RNF213: variants seen among roughly 807,000 people sequenced by gnomAD.
RNF213 encodes the protein ring finger protein 213, also known as E3 ubiquitin-protein ligase RNF213.
Under a neutral mutation model 514.4 loss-of-function variants are expected in RNF213, and 341 were observed. The observed-to-expected ratio is 0.66, with a 90% confidence interval of 0.61 to 0.73. The LOEUF is 0.73. Ranked by LOEUF, RNF213 falls within the 30% of genes least tolerant of loss-of-function variation. The pLI is 0.00. For missense variants in RNF213, 5,767 were observed against 6,615.6 expected (o/e 0.87, Z 4.45); for synonymous variants, 2,655 against 2,658.2 (o/e 1.00, Z 0.04).
chr17:80,295,641 T>A lies in RNF213; in HGVS notation c.1840T>A (p.Cys614Ser). The A allele has an allele frequency of 1.2e-6, 2 of 1,614,174 alleles. No individual in the cohort carries two copies. The highest frequency in any genetic ancestry group is 1.7e-6 in the Non-Finnish European group (2 of 1,180,012). Residue 614 changes from cysteine to serine, a missense_variant, in exon 10 of 68, where the codon TGC (cysteine) becomes AGC (serine). Physicochemically the swap from Cys to Ser is moderately radical, Grantham distance 112. Around this residue, in one of 13 missense-constraint regions of RNF213, gnomAD observed 592 missense variants for 673.9 expected, o/e 0.88. Transcript: ENST00000582970. ...AAGCACGGACTTTTTGCCTGTGGACTGCCCAGTGAGGAGTAAACTGAAAAC... is the reference window on the plus strand; with the variant it reads ...AAGCACGGACTTTTTGCCTGTGGACAGCCCAGTGAGGAGTAAACTGAAAAC... ...GKSTDFLPVDCPVRSKLKTGL... is the reference protein window; with the variant it reads ...GKSTDFLPVDSPVRSKLKTGL...
chr17:80,290,464 T>C lies in RNF213; in HGVS notation c.1113-106T>C, dbSNP rs1004191251. On this transcript the variant is annotated intron_variant, in intron 6 of 67. Transcript: ENST00000582970. ...GCATGTGTGTGTGCGAGTGCATGTGTGTGTGCACGTGTGTGTGCGCACGTG... is the reference window on the plus strand; with the variant it reads ...GCATGTGTGTGTGCGAGTGCATGTGCGTGTGCACGTGTGTGTGCGCACGTG... 3.0e-6 allele frequency: 4 copies of C among 1,338,864 alleles called. No homozygotes were observed. The African/African-American group carries it at 4.3e-5, about 14-fold the overall frequency. The allele number at this position is 1,338,864 out of a possible 1,614,324, so 82.9% of individuals were successfully genotyped here. A position where few individuals can be genotyped will look rare whatever the true frequency, so the allele number is the denominator to read the frequency against.
At chr17:80,287,705 G>T (rs1331869614) in intron 3 of RNF213, 110 bp from the exon 4 acceptor site, 1 of 1,140,444 alleles carries the variant, frequency 8.8e-7, no homozygotes, top group Non-Finnish European at 1.3e-6. Context: ...AGGTACTTTG[G>T]TCGAGCCAAG....
chr17:80,392,019 C>T (rs955036594), intron 67 of RNF213, among the ~76,000 whole-genome samples: 23 of 151,896 alleles, frequency 1.5e-4, no homozygotes, highest in African/African-American at 5.1e-4. Context: ...CTGCCCGTCT[C>T]GGCCTCCCAA....
intron 7 of RNF213, 118 bp from the exon 8 acceptor site, chr17:80,291,510 A>G (rs1365716222): frequency 2.8e-6 from 3 of 1,053,000 alleles, no homozygotes; most frequent in East Asian, 4.8e-5. Context: ...GGCATGGGCC[A>G]CTGAACCCAG....
rs2079442239 is a variant in RNF213, at chr17:80,369,773, T to C, written c.12331T>C (p.Cys4111Arg). The change falls in exon 46 of 68, where the codon TGT (cysteine) becomes CGT (arginine). Residue 4111 changes from cysteine (C) to arginine (R), a missense_variant. Physicochemically the swap from Cys to Arg is radical, Grantham distance 180. Coordinates refer to ENST00000582970, the MANE Select transcript of RNF213 (RefSeq NM_001256071.3). ...GRLRDAAQRH[C>R]EHTKSLSPFN... ...CTTTTTCTTTCTGGTTTAAGGACACTGTGAACACACAAAATCTCTCTCTCC... is the reference window on the plus strand; with the variant it reads ...CTTTTTCTTTCTGGTTTAAGGACACCGTGAACACACAAAATCTCTCTCTCC... The C allele has an allele frequency of 2.5e-6, 4 of 1,613,580 alleles. No homozygotes were observed. Among genetic ancestry groups the C allele is most frequent in the South Asian group, 1.1e-5 (1 of 91,084 alleles).
intron 11 of RNF213, among the ~76,000 whole-genome samples, chr17:80,302,049 A>G (rs944273625): frequency 6.6e-6 from 1 of 152,254 alleles, no homozygotes; most frequent in Non-Finnish European, 1.5e-5. Flanking sequence ...GAAATACTGC[A>G]TATTCCCACT....
intron 20 of RNF213, among the ~76,000 whole-genome samples, chr17:80,331,290 CAT>C (rs759370077): frequency 2.6e-5 from 4 of 152,146 alleles, no homozygotes; most frequent in Non-Finnish European, 5.9e-5. Context: ...TACCAGGCCT[CAT>C]GTGTCATTTA....
At position 80,354,070 on chromosome 17, in the gene RNF213, G is replaced by C; in HGVS notation, c.10630G>C (p.Val3544Leu). ...RLLRSCVQSA[V>L]GMLRDQNESC... The stretch of plus-strand genomic sequence containing the variant: ...GCTGAGAAGCTGTGTGCAGAGCGCC[G>C]TGGGCATGCTCAGAGACCAGAACGA... Residue 3544 changes from valine (V) to leucine (L), a missense_variant, in exon 35 of 68, where the codon GTG (valine) becomes CTG (leucine). Val to Leu is a conservative substitution (Grantham distance 32). Around this residue, in one of 13 missense-constraint regions of RNF213, gnomAD observed 919 missense variants for 1,121.0 expected, o/e 0.82. Transcript: ENST00000582970. 6.2e-7 allele frequency: 1 copy of C among 1,614,014 alleles called. No individual in the cohort carries two copies. Among genetic ancestry groups the C allele is most frequent in the East Asian group, 2.2e-5 (1 of 44,884 alleles).
intron 14 of RNF213, among the ~76,000 whole-genome samples, chr17:80,312,377 C>T (rs9674807): frequency 0.43 from 65,540 of 151,090 alleles, 16,804 homozygotes; most frequent in African/African-American, 0.73. Flanking sequence ...GGGTCCGGCA[C>T]GGAGGCGGGG....
rs1238817695 is a variant in RNF213 at position 80,364,421 on chromosome 17, C to G, written c.11751-12C>G. The G allele has an allele frequency of 6.2e-6, 10 of 1,614,084 alleles. No homozygotes were observed. The highest frequency in any genetic ancestry group is 7.6e-6 in the Non-Finnish European group (9 of 1,180,020). On this transcript the variant is annotated splice_polypyrimidine_tract_variant and intron_variant, in intron 41 of 67. Transcript: ENST00000582970. Reference sequence around the variant, plus strand: ...GCCGAGTGAGTGAGTGAGTGGCGCCCTCTTTTGACAGAGCCCAGTGGAGTC... The same window carrying G: ...GCCGAGTGAGTGAGTGAGTGGCGCCGTCTTTTGACAGAGCCCAGTGGAGTC...
intron 11 of RNF213, among the ~76,000 whole-genome samples, chr17:80,304,141 C>T (rs945800273): frequency 6.6e-6 from 1 of 151,960 alleles, no homozygotes; most frequent in African/African-American, 2.4e-5. Flanking sequence ...AAGATCCAAT[C>T]GTTCAGGTAA....
In RNF213 at chr17:80,355,460, A is replaced by AAGC. The variant is rs772255656; in HGVS notation, c.10862+884_10862+885insAGC. Among the ~76,000 whole-genome samples the AAGC allele has an allele frequency of 2.1e-3, 67 of 32,236 alleles. 1 individual carries two copies. Among genetic ancestry groups the AAGC allele is most frequent in the East Asian group, 0.01 (15 of 1,452 alleles). 21.1% of individuals were successfully genotyped at this position (32,236 alleles called of 152,430 possible). A position where few individuals can be genotyped will look rare whatever the true frequency, so the allele number is the denominator to read the frequency against. ...TGGGAATCGGGGCTCACGGAGGAAG[A>AAGC]GGGGTGACCGGGAATGGGGGCTCAC... On this transcript the variant is annotated intron_variant, in intron 36 of 67. Transcript: ENST00000582970.
At chr17:80,348,574 A>C (rs1435551946) in intron 29 of RNF213, among the ~76,000 whole-genome samples, 1 of 152,258 alleles carries the variant, frequency 6.6e-6, no homozygotes, top group African/African-American at 2.4e-5. Context: ...CTAGGGACGC[A>C]CAGATGAATC....
chr17:80,373,456 G>GA (rs1307248301), intron 49 of RNF213, among the ~76,000 whole-genome samples: 1 of 151,948 alleles, frequency 6.6e-6, no homozygotes, highest in Non-Finnish European at 1.5e-5. Context: ...TGCTTCAGCT[G>GA]ATTTGCCCCA....
intron 3 of RNF213, among the ~76,000 whole-genome samples, chr17:80,279,925 T>C (rs1351409932): frequency 6.6e-6 from 1 of 152,242 alleles, no homozygotes; most frequent in East Asian, 1.9e-4. Context: ...TGAAGTTTAT[T>C]ACTTTTTTGC....
In RNF213 at chr17:80,332,179, C is replaced by G. The variant is rs2046434412; in HGVS notation, c.3691C>G (p.His1231Asp). 11 of 1,537,070 alleles carry G rather than the reference C, an allele frequency of 7.2e-6. No individual in the cohort carries two copies. The highest frequency in any genetic ancestry group is 7.8e-6 in the Non-Finnish European group (9 of 1,146,932). The stretch of plus-strand genomic sequence containing the variant: ...GAAGATAGACTTGCTCAGAGACAGC[C>G]ACATCTTCCAGCTCTTCTGGCGGGA... ...AGKIDLLRDS[H>D]IFQLFWREAA... The change falls in exon 21 of 68, where the codon CAC (histidine) becomes GAC (aspartate). Residue 1231 changes from histidine to aspartate, a missense_variant. Physicochemically the swap from His to Asp is moderately conservative, Grantham distance 81. Coordinates refer to ENST00000582970, the MANE Select transcript of RNF213 (RefSeq NM_001256071.3).
In RNF213 at chr17:80,364,556, G is replaced by A. The variant is rs370384149; in HGVS notation, c.11871+3G>A. 4.1e-5 allele frequency: 66 copies of A among 1,614,020 alleles called. No individual in the cohort carries two copies. The highest frequency in any genetic ancestry group is 5.2e-5 in the Non-Finnish European group (61 of 1,180,022). On this transcript the variant is annotated splice_donor_region_variant and intron_variant, in intron 42 of 67. Coordinates refer to ENST00000582970, the MANE Select transcript of RNF213 (RefSeq NM_001256071.3). ...AGCACGTCTTCTTACTAGACAAGGT[G>A]AGTACTTGGGCTGGCCTCAGCACAT...
chr17:80,344,009 A>G lies in RNF213; in HGVS notation c.6336A>G (p.Ser2112=). The G allele has an allele frequency of 1.9e-6, 3 of 1,614,174 alleles. No individual in the cohort carries two copies. The highest frequency in any genetic ancestry group is 1.3e-5 in the African/African-American group (1 of 75,050). The change falls in exon 28 of 68, where the codon TCA becomes TCG. Residue 2112 remains serine, a synonymous_variant. Coordinates refer to ENST00000582970, the MANE Select transcript of RNF213 (RefSeq NM_001256071.3). ...CGTCAGTGCCGTCGAGGAGCTCTTC[A>G]GCGCTGGTCTGTACTGTGGGGCGTT... The part of the protein sequence containing the change: ...RRTSVPSRSS[S]ALRTRVPQFS...
Position 80,335,699 on chromosome 17 carries a change from G to T in RNF213, c.4310-462G>T, listed in dbSNP as rs529490129. ...TGCTATTAACAGACAGTACAGGCTGGGCGTGGTGGCTCACACCTGTAATCT... is the reference window on the plus strand; with the variant it reads ...TGCTATTAACAGACAGTACAGGCTGTGCGTGGTGGCTCACACCTGTAATCT... On this transcript the variant is annotated intron_variant, in intron 22 of 67. Transcript: ENST00000582970. Among the ~76,000 whole-genome samples, 4 of 152,280 alleles carry T rather than the reference G, an allele frequency of 2.6e-5. No homozygotes were observed. In the South Asian group the frequency reaches 6.2e-4, roughly 24 times the overall value.
Sources: allele counts gnomAD v4.1 joint callset (sites outside exome capture counted in the v4.1 genomes callset), GRCh38; gene constraint gnomAD v4.1.1; regional missense constraint gnomAD v4.1.1; transcripts MANE v1.5; gene names NCBI Gene and HGNC (gene_info 2026-07-23, HGNC 2026-07-21).